The following ROBO2 variants were observed in gnomAD, a reference collection of about 807,000 sequenced individuals.
ROBO2 encodes the protein roundabout homolog 2.
Under a neutral mutation model 160.8 loss-of-function variants are expected in ROBO2, and 53 were observed. That is an observed-to-expected ratio of 0.33 (90% confidence interval 0.26 to 0.41). The LOEUF (loss-of-function observed/expected upper bound fraction) is 0.41. Ranked by LOEUF, ROBO2 falls within the 10% of genes least tolerant of loss-of-function variation. The pLI is 1.00. For missense variants in ROBO2, 1,577 were observed against 1,722.4 expected (o/e 0.92, Z 1.49); for synonymous variants, 664 against 611.7 (o/e 1.09, Z -1.26).
chr3:76,272,960 A>ATC (rs1707642048), intron 2 of ROBO2, among the ~76,000 whole-genome samples: 1 of 52,270 alleles, frequency 1.9e-5, no homozygotes, highest in Non-Finnish European at 3.4e-5. Context: ...TATAATATAT[A>ATC]TTTATATATA....
At chr3:77,063,220 T>C (rs890144910) in intron 1 of ROBO2, among the ~76,000 whole-genome samples, 2 of 152,232 alleles carry the variant, frequency 1.3e-5, no homozygotes, top group African/African-American at 2.4e-5. Context: ...CCAAGGGCTA[T>C]GCCCATCTGC....
intron 2 of ROBO2, among the ~76,000 whole-genome samples, chr3:76,976,007 C>G (rs1005841990): frequency 6.6e-6 from 1 of 152,148 alleles, no homozygotes; most frequent in Non-Finnish European, 1.5e-5. Context: ...TACAGAGTCT[C>G]GTCTGCCACT....
chr3:76,449,609 G>A (rs1467408149), intron 2 of ROBO2, among the ~76,000 whole-genome samples: 2 of 152,098 alleles, frequency 1.3e-5, no homozygotes, highest in Non-Finnish European at 2.9e-5. Context: ...TACAGTTCCT[G>A]CAGTTAGAAT....
intron 23 of ROBO2, among the ~76,000 whole-genome samples, chr3:77,623,730 G>C (rs561449690): frequency 2.0e-5 from 3 of 152,118 alleles, no homozygotes; most frequent in African/African-American, 7.2e-5. Flanking sequence ...AAGCCCCTTT[G>C]CCTGAATTTC....
rs572890411 is a variant in ROBO2 at position 75,943,945 on chromosome 3, C to T, written c.109+6343C>T. On this transcript the variant is annotated intron_variant, in intron 2 of 26. Coordinates refer to the ROBO2 transcript ENST00000487694. ...CAAACTCCTGACTTCAGGTGATCCG[C>T]CCACTTCAGTCTCCCAAAGTGCTGG... Among the ~76,000 whole-genome samples the T allele has an allele frequency of 2.6e-5, 4 of 152,226 alleles. No individual in the cohort carries two copies. In the East Asian group the frequency reaches 7.8e-4, roughly 30 times the overall value.
intron 2 of ROBO2, among the ~76,000 whole-genome samples, chr3:76,940,377 C>A (rs924970041): frequency 6.6e-6 from 1 of 152,146 alleles, no homozygotes; most frequent in Admixed American, 6.5e-5. Context: ...TTTTATCATG[C>A]AAATCTCATT....
chr3:76,574,562 G>GTGA (rs1420185721), intron 2 of ROBO2, among the ~76,000 whole-genome samples: 1 of 152,074 alleles, frequency 6.6e-6, no homozygotes, highest in Non-Finnish European at 1.5e-5. Context: ...CACTGACAGG[G>GTGA]TGATATATGG....
intron 2 of ROBO2, among the ~76,000 whole-genome samples, chr3:76,155,093 C>T (rs959183493): frequency 5.3e-5 from 8 of 151,900 alleles, no homozygotes; most frequent in African/African-American, 1.5e-4. Flanking sequence ...CCAATAGTAC[C>T]GAAGAAGTGT....
At chr3:76,504,583 C>T (rs928976519) in intron 2 of ROBO2, among the ~76,000 whole-genome samples, 1 of 120,830 alleles carries the variant, frequency 8.3e-6, no homozygotes, top group Admixed American at 1.2e-4. Context: ...GGCTGGAGTG[C>T]AGTGGTGCAA....
intron 6 of ROBO2, among the ~76,000 whole-genome samples, chr3:77,545,966 T>TG (rs1355039230): frequency 6.6e-6 from 1 of 152,092 alleles, no homozygotes. Context: ...AGGAAGGAGA[T>TG]GGTTGAGTAA....
At chr3:77,067,552 A>C (rs1057480406) in intron 1 of ROBO2, among the ~76,000 whole-genome samples, 4 of 152,340 alleles carry the variant, frequency 2.6e-5, no homozygotes, top group Non-Finnish European at 5.9e-5. Flanking sequence ...ATAGGGGAAA[A>C]TATCACAGGA....
In ROBO2 at chr3:76,359,070, A is replaced by G. The variant is rs137973983; in HGVS notation, c.109+421468A>G. Among the ~76,000 whole-genome samples, 1,427 of 151,442 alleles carry G rather than the reference A, an allele frequency of 9.4e-3. 13 individuals carry two copies. Among genetic ancestry groups the G allele is most frequent in the Admixed American group, 0.027 (405 of 15,172 alleles). On this transcript the variant is annotated intron_variant, in intron 2 of 26. Transcript: ENST00000487694. Reference sequence around the variant, plus strand: ...AGTTTACTGAGAATGATTATTTCCAATTTCATCCATGTCCCTACAAAGGAC... The same window carrying G: ...AGTTTACTGAGAATGATTATTTCCAGTTTCATCCATGTCCCTACAAAGGAC...
In ROBO2 at chr3:77,198,732, C is replaced by T. The variant is rs1453253409; in HGVS notation, c.388+100392C>T. ...CCTAGCCAATATGGTGAAACCCTGTCTCTATTAAAGATACAAAAAAATTAG... is the reference window on the plus strand; with the variant it reads ...CCTAGCCAATATGGTGAAACCCTGTTTCTATTAAAGATACAAAAAAATTAG... On this transcript the variant is annotated intron_variant, in intron 2 of 25. Coordinates refer to ENST00000461745, the Ensembl canonical transcript of ROBO2. Among the ~76,000 whole-genome samples the T allele has an allele frequency of 1.3e-5, 2 of 152,090 alleles. 1 individual carries two copies. The highest frequency in any genetic ancestry group is 4.8e-5 in the African/African-American group (2 of 41,392).
intron 2 of ROBO2, among the ~76,000 whole-genome samples, chr3:76,624,749 G>T (rs1379499864): frequency 7.5e-6 from 1 of 132,470 alleles, no homozygotes; most frequent in Non-Finnish European, 1.5e-5. Flanking sequence ...AGTGAACTGA[G>T]ATCGCGCTAT....
At chr3:77,358,276 T>G (rs2069416690) in intron 2 of ROBO2, among the ~76,000 whole-genome samples, 1 of 152,200 alleles carries the variant, frequency 6.6e-6, no homozygotes, top group Non-Finnish European at 1.5e-5. Flanking sequence ...GTCCCTCAAC[T>G]TGCCGGGGTT....
chr3:76,557,090 A>G (rs1420076969), intron 2 of ROBO2, among the ~76,000 whole-genome samples: 1 of 152,044 alleles, frequency 6.6e-6, no homozygotes, highest in Non-Finnish European at 1.5e-5. Context: ...TGATTATTTT[A>G]TAGCTTTAAA....
chr3:77,205,277 G>A (rs912918101), intron 2 of ROBO2, among the ~76,000 whole-genome samples: 1 of 151,938 alleles, frequency 6.6e-6, no homozygotes, highest in Non-Finnish European at 1.5e-5. Context: ...GCTCTCAGTG[G>A]GGAGCTGGGC....
At chr3:77,613,620 C>A (rs1006637736) in intron 21 of ROBO2, among the ~76,000 whole-genome samples, 25 of 151,978 alleles carry the variant, frequency 1.6e-4, no homozygotes, top group Non-Finnish European at 2.9e-5. Context: ...GAAAAAAGAA[C>A]AAAGCATTCT....
At chr3:76,844,503 T>G (rs974014588) in intron 2 of ROBO2, among the ~76,000 whole-genome samples, 1 of 151,960 alleles carries the variant, frequency 6.6e-6, no homozygotes, top group Admixed American at 6.6e-5. Context: ...TCAAAAAAAA[T>G]GCTTAAATTA....
Sources: gnomAD v4.1 joint callset for allele counts (sites outside exome capture counted in the v4.1 genomes callset) on GRCh38, gnomAD v4.1.1 for gene constraint, MANE v1.5 for transcripts, NCBI Gene and HGNC (gene_info 2026-07-23, HGNC 2026-07-21) for gene names.